The following COL2A1 variants were observed in gnomAD, a reference collection of about 807,000 sequenced individuals.
The protein encoded by COL2A1 is collagen type II alpha 1 chain.
In COL2A1, 28 loss-of-function variants were observed where a neutral mutation model predicts 204.5. That is an observed-to-expected ratio of 0.14 (90% confidence interval 0.10 to 0.19). The LOEUF (loss-of-function observed/expected upper bound fraction) is 0.19. Ranked by LOEUF, COL2A1 falls within the 10% of genes least tolerant of loss-of-function variation. COL2A1 has a pLI of 1.00. For missense variants in COL2A1, 1,388 were observed against 2,027.5 expected (o/e 0.68, Z 6.06); for synonymous variants, 708 against 718.7 (o/e 0.99, Z 0.24).
chr12:47,987,595 G>A lies in COL2A1; in HGVS notation c.1221+16C>T. 1 of 1,605,260 alleles carries A rather than the reference G, an allele frequency of 6.2e-7. No individual in the cohort carries two copies. The highest frequency in any genetic ancestry group is 1.7e-5 in the Admixed American group (1 of 59,516). The stretch of plus-strand genomic sequence containing the variant: ...AGACCCCAGACCCCCCCAGGCCAAA[G>A]AGAAGCTGCACTTACGGAGGCACCA... On this transcript the variant is annotated intron_variant, in intron 19 of 53. Transcript: ENST00000380518. This position sits in a 1 kb window ranked among gnomAD's most constrained non-coding sequence, Gnocchi z 4.1.
chr12:47,993,366 G>T, intron 15 of COL2A1, 92 bp downstream of exon 15: 2 of 992,886 alleles, frequency 2.0e-6, no homozygotes, highest in Non-Finnish European at 3.3e-6. Context: ...CTACAACACA[G>T]AATATGAACT....
At chr12:47,977,207 C>T (rs768226069) in intron 46 of COL2A1, 52 bp from the exon 47 acceptor site, 2 of 1,603,862 alleles carry the variant, frequency 1.2e-6, no homozygotes, top group South Asian at 1.1e-5. Flanking sequence ...AGGTGGGGGC[C>T]TCCTCTGCAT....
chr12:47,995,669 A>G lies in COL2A1; in HGVS notation c.708+41T>C, dbSNP rs1279314564. ...TGCGGTCCTAGTGGTCTATCATTAG[A>G]GGCTCCCCCAGAGAAGGGACAGGGC... is the stretch of plus-strand genomic sequence containing the variant. On this transcript the variant is annotated intron_variant, in intron 10 of 53. Transcript: ENST00000380518. 4 of 1,593,948 alleles carry G rather than the reference A, an allele frequency of 2.5e-6. No individual in the cohort carries two copies. In the African/African-American group the frequency reaches 5.4e-5, roughly 21 times the overall value.
At chr12:47,999,164 A>G (rs1366389666) in intron 2 of COL2A1, among the ~76,000 whole-genome samples, 1 of 152,182 alleles carries the variant, frequency 6.6e-6, no homozygotes, top group Non-Finnish European at 1.5e-5. Context: ...AACCTACACA[A>G]GCGTCCCCAC....
upstream of COL2A1, chr12:48,006,025 A>AATTCAACC (rs1940455372): frequency 6.6e-6 from 1 of 152,270 alleles, no homozygotes; most frequent in South Asian, 2.1e-4. Flanking sequence ...GATGGGGAAG[A>AATTCAACC]ATTCAACCAG....
At chr12:47,981,682 T>C (rs1258308709) in intron 36 of COL2A1, 94 bp downstream of exon 36, 7 of 1,353,114 alleles carry the variant, frequency 5.2e-6, no homozygotes, top group Non-Finnish European at 7.2e-6. Flanking sequence ...GTGACAGTGG[T>C]GAGGGAGGAC....
chr12:47,998,586 G>C, intron 2 of COL2A1, 155 bp from the exon 3 acceptor site: 1 of 744,668 alleles, frequency 1.3e-6, no homozygotes, highest in Non-Finnish European at 2.3e-6. Flanking sequence ...CCCCTCTGTT[G>C]GGGTGTTAGG....
chr12:47,982,654 CCCTGAA>C, intron 33 of COL2A1, 45 bp from the exon 34 acceptor site: 9 of 1,426,968 alleles, frequency 6.3e-6, no homozygotes, highest in Non-Finnish European at 8.7e-6. Flanking sequence ...CAGCACCTCT[CCCTGAA>C]CCCATGTTCA....
At position 47,973,962 on chromosome 12, in the gene COL2A1, G is replaced by T. The variant is rs543494065; in HGVS notation, c.4317+127C>A. The T allele has an allele frequency of 3.3e-4, 445 of 1,328,380 alleles. 3 individuals carry two copies. In the South Asian group the frequency reaches 5.2e-3, roughly 15 times the overall value. The allele number at this position is 1,328,380 out of a possible 1,614,324, so 82.3% of individuals were successfully genotyped here. A position where few individuals can be genotyped will look rare whatever the true frequency, so the allele number is the denominator to read the frequency against. ...GTCACTCAGCCTATCTTCTCTACAT[G>T]ACCCTCAAACTCATGCCTCTGATGA... On this transcript the variant is annotated intron_variant, in intron 53 of 53. Transcript: ENST00000380518.
intron 31 of COL2A1, 101 bp from the exon 32 acceptor site, chr12:47,983,238 T>C: frequency 1.3e-6 from 2 of 1,499,722 alleles, no homozygotes; most frequent in Non-Finnish European, 1.8e-6. Context: ...CCATGGGGGA[T>C]TGTGTCATCT....
rs1939852211 is a variant in COL2A1 at position 47,994,443 on chromosome 12, C to T, written c.797G>A (p.Arg266Lys). 6.2e-7 allele frequency: 1 copy of T among 1,614,134 alleles called. No homozygotes were observed. Among genetic ancestry groups the T allele is most frequent in the Non-Finnish European group, 8.5e-7 (1 of 1,180,034 alleles). Residue 266 changes from arginine to lysine, a missense_variant, in exon 12 of 54, where the codon AGG becomes AAG. Coordinates refer to ENST00000380518, the MANE Select transcript of COL2A1 (RefSeq NM_001844.5). ...GTTTACCTGAGGACCAGGCGGACCC[C>T]TTTCACCAGCTTTTCCAGGTTTTCC... is the stretch of plus-strand genomic sequence containing the variant. ...EAGKPGKAGERGPPGPQGARG... is the reference protein window; with the variant it reads ...EAGKPGKAGEKGPPGPQGARG...
In COL2A1 at chr12:47,973,453, G is replaced by A; in HGVS notation, c.4418C>T (p.Pro1473Leu). Residue 1473 changes from proline to leucine, a missense_variant, in exon 54 of 54, where the codon CCC (proline) becomes CTC (leucine). By Grantham distance (98) the Pro-to-Leu change is moderately conservative. Around this residue, in one of 3 missense-constraint regions of COL2A1, gnomAD observed 303 missense variants for 369.2 expected, o/e 0.82. Coordinates refer to ENST00000380518, the MANE Select transcript of COL2A1 (RefSeq NM_001844.5). ...IDIAPMDIGGPEQEFGVDIGP... is the reference protein window; with the variant it reads ...IDIAPMDIGGLEQEFGVDIGP... ...TATGTCCACACCGAATTCCTGCTCG[G>A]GCCCTCCTATGTCCATGGGTGCAAT... 6.2e-7 allele frequency: 1 copy of A among 1,614,072 alleles called. No individual in the cohort carries two copies.
Position 47,986,858 on chromosome 12 carries a change from C to T in COL2A1, c.1396G>A (p.Glu466Lys). ...GEPGIAGFKG[E>K]QGPKGEPGPA... Reference sequence around the variant, plus strand: ...ACAGGTTCTCCCTTGGGGCCTTGTTCACCTTTGAAGCCAGCAATACCAGGT... The same window carrying T: ...ACAGGTTCTCCCTTGGGGCCTTGTTTACCTTTGAAGCCAGCAATACCAGGT... The change falls in exon 22 of 54, where the codon GAA (glutamate) becomes AAA (lysine). Residue 466 changes from glutamate to lysine, a missense_variant. Physicochemically the swap from Glu to Lys is moderately conservative, Grantham distance 56. This residue lies in a region of COL2A1 where 884 missense variants were observed against 1,415.8 expected (regional missense o/e 0.62). Transcript: ENST00000380518. 6.2e-7 allele frequency: 1 copy of T among 1,614,214 alleles called. No individual in the cohort carries two copies. The highest frequency in any genetic ancestry group is 2.2e-5 in the East Asian group (1 of 44,886).
chr12:47,989,418 T>C, intron 17 of COL2A1, 137 bp from the exon 18 acceptor site: 1 of 838,848 alleles, frequency 1.2e-6, no homozygotes, highest in East Asian at 2.6e-5. Context: ...AGGCCTTGGA[T>C]GAAAATTGTC....
rs1682530467 is a variant in COL2A1, at chr12:47,976,671, C to T, written c.3436-104G>A. 4 of 1,391,862 alleles carry T rather than the reference C, an allele frequency of 2.9e-6. No homozygotes were observed. Among genetic ancestry groups the T allele is most frequent in the Non-Finnish European group, 4.0e-6 (4 of 988,682 alleles). The allele number at this position is 1,391,862 out of a possible 1,614,324, so 86.2% of individuals were successfully genotyped here. On this transcript the variant is annotated intron_variant, in intron 48 of 53. Transcript: ENST00000380518. This position sits in a 1 kb window ranked among gnomAD's most constrained non-coding sequence, Gnocchi z 4.3. The stretch of plus-strand genomic sequence containing the variant: ...TTATGTCCCAGCCCCATTCCCTTTC[C>T]ACTTCCTCCTCCCTCCAGCCCTGAG...
chr12:47,999,978 G>A lies in COL2A1; in HGVS notation c.233C>T (p.Pro78Leu), dbSNP rs952199404. 4 of 1,614,096 alleles carry A rather than the reference G, an allele frequency of 2.5e-6. No individual in the cohort carries two copies. The highest frequency in any genetic ancestry group is 3.4e-6 in the Non-Finnish European group (4 of 1,180,042). Residue 78 changes from proline (P) to leucine (L), a missense_variant, in exon 2 of 54, where the codon CCT becomes CTT. By Grantham distance (98) the Pro-to-Leu change is moderately conservative. Coordinates refer to ENST00000380518, the MANE Select transcript of COL2A1 (RefSeq NM_001844.5). ...ICEDVKDCLS[P>L]EIPFGECCPI... ...GCAGCACTCTCCGAAGGGGATCTCA[G>A]GGCTGAGGCAGTCTTTCACGTCTTC...
intron 29 of COL2A1, 144 bp downstream of exon 29, chr12:47,983,943 C>A (rs1016958921): frequency 3.1e-6 from 3 of 955,138 alleles, no homozygotes; most frequent in Non-Finnish European, 4.9e-6. Flanking sequence ...CCTGGGACAC[C>A]CTGCCTCAGC....
rs1419475408 is a variant in COL2A1 at position 47,973,238 on chromosome 12, C to G, written c.*169G>C. ...ATTTTATTTTGCAGTCTGCCCAGTT[C>G]AGGTCTCTTAGAAAGAGAGGGGAGA... On this transcript the variant is annotated 3_prime_UTR_variant, in exon 54 of 54. Transcript: ENST00000380518. The G allele has an allele frequency of 1.2e-6, 1 of 825,092 alleles. No individual in the cohort carries two copies. Among genetic ancestry groups the G allele is most frequent in the East Asian group, 2.5e-5 (1 of 40,562 alleles). The allele number at this position is 825,092 out of a possible 1,614,324, so 51.1% of individuals were successfully genotyped here.
chr12:47,981,045 G>A lies in COL2A1; in HGVS notation c.2464-77C>T. ...TTCTGCTCCCCTCCAAGAGCCCCTT[G>A]GGCCCTGCCCAGCCTCCTGTTCCCC... is the stretch of plus-strand genomic sequence containing the variant. On this transcript the variant is annotated intron_variant, in intron 37 of 53. Coordinates refer to ENST00000380518, the MANE Select transcript of COL2A1 (RefSeq NM_001844.5). The A allele has an allele frequency of 4.3e-6, 6 of 1,405,838 alleles. No individual in the cohort carries two copies. In the South Asian group the frequency reaches 5.1e-5, roughly 12 times the overall value. The allele number at this position is 1,405,838 out of a possible 1,614,324, so 87.1% of individuals were successfully genotyped here.
Sources: allele counts gnomAD v4.1 joint callset (sites outside exome capture counted in the v4.1 genomes callset), GRCh38; gene constraint gnomAD v4.1.1; regional missense constraint gnomAD v4.1.1; non-coding constraint Gnocchi (gnomAD v3.1); transcripts MANE v1.5; gene names NCBI Gene and HGNC (gene_info 2026-07-23, HGNC 2026-07-21).